Variants in WWOX observed in about 807,000 individuals in gnomAD.
The protein encoded by WWOX is WW domain containing oxidoreductase.
In WWOX, 69 loss-of-function variants were observed where a neutral mutation model predicts 46.2. The ratio of observed to expected loss-of-function variants is 1.49; its 90% CI spans 1.23 to 1.82. The LOEUF is 1.82. WWOX is among the 40% of genes most tolerant of loss of function. WWOX has a pLI of 0.00. For missense variants in WWOX, 919 were observed against 542.6 expected, an observed-to-expected ratio of 1.69 and a Z score of -6.89; for synonymous variants, 359 against 202.6, an observed-to-expected ratio of 1.77 and a Z score of -6.56.
intron 7 of WWOX, 100 bp downstream of exon 7, chr16:78,425,155 T>G (rs186606524): frequency 1.3e-6 from 2 of 1,504,308 alleles, no homozygotes; most frequent in Admixed American, 1.7e-5. Flanking sequence ...TTAGTCCTGC[T>G]TGAGACATGT....
chr16:79,100,717 G>C (rs1260809922), intron 8 of WWOX, among the ~76,000 whole-genome samples: 1 of 152,124 alleles, frequency 6.6e-6, no homozygotes, highest in African/African-American at 2.4e-5. Context: ...TCAGCACCTT[G>C]GCGTCACCAG....
At chr16:78,172,850 TCAGA>T (rs2035207867) in intron 5 of WWOX, among the ~76,000 whole-genome samples, 1 of 152,222 alleles carries the variant, frequency 6.6e-6, no homozygotes, top group African/African-American at 2.4e-5. Context: ...GATTTCATGT[TCAGA>T]CAGTGTTCAG....
At chr16:78,825,772 G>A (rs1567586655) in intron 8 of WWOX, 6 of 593,716 alleles carry the variant, frequency 1.0e-5, no homozygotes, top group East Asian at 9.7e-5. Context: ...ATGTTAACTA[G>A]TACATTGATG....
intron 8 of WWOX, among the ~76,000 whole-genome samples, chr16:78,925,056 ATGG>A (rs2045467365): frequency 6.6e-6 from 1 of 152,128 alleles, no homozygotes; most frequent in Non-Finnish European, 1.5e-5. Flanking sequence ...TTAGCCAGGC[ATGG>A]TGGTGTGTGC....
chr16:78,484,022 G>T (rs1055644997), intron 8 of WWOX, among the ~76,000 whole-genome samples: 1 of 152,106 alleles, frequency 6.6e-6, no homozygotes, highest in Non-Finnish European at 1.5e-5. Context: ...TTTGTTTTCT[G>T]TTAAAGGGTC....
intron 8 of WWOX, among the ~76,000 whole-genome samples, chr16:79,197,802 A>G (rs1384014481): frequency 6.6e-6 from 1 of 152,148 alleles, no homozygotes; most frequent in Non-Finnish European, 1.5e-5. Context: ...GATGGGAGGC[A>G]GTTTCATCCC....
rs192402172 is a variant in WWOX, at chr16:79,120,374, A to G, written c.1057-91234A>G. ...CTACCATTTCCTCAAAAGTAGGTAC[A>G]GATGGGGTAACAGTGGGCAATGTGG... On this transcript the variant is annotated intron_variant, in intron 8 of 8. Coordinates refer to ENST00000566780, the MANE Select transcript of WWOX (RefSeq NM_016373.4). 6.6e-5 allele frequency among the ~76,000 whole-genome samples: 10 copies of G among 152,362 alleles called. No individual in the cohort carries two copies. The East Asian group carries it at 1.5e-3, about 24-fold the overall frequency.
intron 8 of WWOX, among the ~76,000 whole-genome samples, chr16:79,052,715 T>C (rs933357025): frequency 6.6e-6 from 1 of 152,218 alleles, no homozygotes; most frequent in Non-Finnish European, 1.5e-5. Context: ...CTTTGTCCGG[T>C]GTTCTCTCAT....
chr16:78,546,953 C>G (rs185924440), intron 8 of WWOX, among the ~76,000 whole-genome samples: 54 of 151,776 alleles, frequency 3.6e-4, no homozygotes, highest in African/African-American at 1.2e-3. Context: ...ATGGTGAAAC[C>G]CTACCTCTAC....
intron 8 of WWOX, among the ~76,000 whole-genome samples, chr16:79,002,748 G>A (rs572402385): frequency 3.9e-5 from 6 of 152,162 alleles, no homozygotes; most frequent in South Asian, 2.1e-4. Flanking sequence ...GTTTTCACCC[G>A]GGTTCTCCCT....
intron 5 of WWOX, among the ~76,000 whole-genome samples, chr16:78,222,255 C>T (rs1012013551): frequency 6.6e-6 from 1 of 151,070 alleles, no homozygotes; most frequent in African/African-American, 2.4e-5. Context: ...AAGTGTTTTC[C>T]AGTTCATTTC....
At chr16:78,657,870 T>A (rs190397493) in intron 8 of WWOX, among the ~76,000 whole-genome samples, 1 of 152,128 alleles carries the variant, frequency 6.6e-6, no homozygotes, top group Non-Finnish European at 1.5e-5. Flanking sequence ...GGGGCTGGAG[T>A]AGTGTGCAGA....
intron 8 of WWOX, among the ~76,000 whole-genome samples, chr16:79,144,182 G>C (rs979186915): frequency 2.0e-5 from 3 of 152,170 alleles, no homozygotes; most frequent in Non-Finnish European, 2.9e-5. Flanking sequence ...TTACAGGCAT[G>C]AGCCACTGCA....
intron 8 of WWOX, among the ~76,000 whole-genome samples, chr16:78,680,145 C>G (rs988488277): frequency 6.6e-6 from 1 of 152,184 alleles, no homozygotes; most frequent in African/African-American, 2.4e-5. Flanking sequence ...CGTGGCGGCT[C>G]ACGCCTGTAA....
rs2051645061 is a variant in WWOX at position 79,209,586 on chromosome 16, G to T, written c.1057-2022G>T. ...TCGGGAGTTAATGGCAAGTCACTTG[G>T]CCACTCTGGTCGTTTTGGCAGCTGC... On this transcript the variant is annotated intron_variant, in intron 8 of 8. Coordinates refer to ENST00000566780, the MANE Select transcript of WWOX (RefSeq NM_016373.4). Among the ~76,000 whole-genome samples the T allele has an allele frequency of 2.0e-5, 3 of 152,142 alleles. No homozygotes were observed. In the South Asian group the frequency reaches 6.2e-4, roughly 32 times the overall value.
intron 8 of WWOX, among the ~76,000 whole-genome samples, chr16:78,665,273 G>C (rs986281858): frequency 1.1e-4 from 16 of 152,118 alleles, no homozygotes; most frequent in Admixed American, 9.8e-4. Context: ...ACATCCTAAG[G>C]GAGTGTAGAG....
chr16:79,073,747 C>T (rs144401006), intron 8 of WWOX, among the ~76,000 whole-genome samples: 12 of 152,222 alleles, frequency 7.9e-5, no homozygotes, highest in African/African-American at 2.4e-4. Flanking sequence ...GCAGAACTGT[C>T]GTATCTCAGG....
chr16:78,933,881 A>C (rs1276951702), intron 8 of WWOX, among the ~76,000 whole-genome samples: 3 of 151,610 alleles, frequency 2.0e-5, no homozygotes, highest in Middle Eastern at 6.8e-3. Context: ...GGGTGGGGAC[A>C]CAGCTAAACC....
intron 6 of WWOX, 147 bp downstream of exon 6, chr16:78,387,095 A>ACC: frequency 5.1e-6 from 4 of 780,750 alleles, no homozygotes; most frequent in South Asian, 2.9e-5. Context: ...TGTTAAGGTG[A>ACC]ACCGTATTTT....
Sources: allele counts gnomAD v4.1 joint callset (sites outside exome capture counted in the v4.1 genomes callset), GRCh38; gene constraint gnomAD v4.1.1; transcripts MANE v1.5; gene names NCBI Gene and HGNC (gene_info 2026-07-23, HGNC 2026-07-21).